The following TAFA2 variants were observed in gnomAD, a reference collection of about 807,000 sequenced individuals.
The protein encoded by TAFA2 is chemokine-like protein TAFA-2.
A neutral mutation model predicts 18.8 loss-of-function variants in TAFA2; 7 were observed. That is an observed-to-expected ratio of 0.37 (90% CI 0.21 to 0.70). The LOEUF (loss-of-function observed/expected upper bound fraction) is 0.70, where lower values mean the gene tolerates loss of function less well. Among genes scored for constraint, TAFA2 ranks in the 30% least tolerant of loss-of-function variants. The probability of loss-of-function intolerance (pLI) is 0.53; values close to 1 mark genes in which losing one functional copy is unlikely to be tolerated. For synonymous variants in TAFA2, 60 were observed against 54.2 expected, an observed-to-expected ratio of 1.11 and a Z score of -0.47; for missense variants, 122 against 158.1, an observed-to-expected ratio of 0.77 and a Z score of 1.23.
chr12:61,796,716 G>A (rs1424756182), intron 2 of TAFA2, among the ~76,000 whole-genome samples: 2 of 152,154 alleles, frequency 1.3e-5, no homozygotes, highest in Non-Finnish European at 2.9e-5. Context: ...AGTCTTGAGT[G>A]TTTAGCAGTT....
At chr12:61,921,635 GCTGT>G (rs1372317765) in intron 1 of TAFA2, among the ~76,000 whole-genome samples, 1 of 152,060 alleles carries the variant, frequency 6.6e-6, no homozygotes, top group African/African-American at 2.4e-5. Flanking sequence ...TCAGATTTGA[GCTGT>G]CTATTAATTC....
intron 1 of TAFA2, among the ~76,000 whole-genome samples, chr12:61,889,281 A>G (rs1434705744): frequency 6.6e-6 from 1 of 152,190 alleles, no homozygotes; most frequent in Non-Finnish European, 1.5e-5. Flanking sequence ...GACCCTATTG[A>G]GTATTGCAGT....
intron 1 of TAFA2, among the ~76,000 whole-genome samples, chr12:62,209,498 G>A (rs1043758041): frequency 3.3e-5 from 5 of 152,182 alleles, no homozygotes; most frequent in Non-Finnish European, 7.3e-5. Flanking sequence ...ATAGCAATGT[G>A]AGAATGGACT....
At chr12:61,915,595 A>T (rs1172869777) in intron 1 of TAFA2, among the ~76,000 whole-genome samples, 1 of 152,212 alleles carries the variant, frequency 6.6e-6, no homozygotes, top group Non-Finnish European at 1.5e-5. Flanking sequence ...CTAGTGTTGT[A>T]ATTCAGTCTG....
intron 1 of TAFA2, among the ~76,000 whole-genome samples, chr12:62,166,432 T>C (rs1397876351): frequency 6.6e-6 from 1 of 152,156 alleles, no homozygotes; most frequent in Non-Finnish European, 1.5e-5. Flanking sequence ...CTGGCAAAAA[T>C]ACAAGAGCTC....
At position 61,886,180 on chromosome 12, in the gene TAFA2, G is replaced by C. The variant is rs551168220; in HGVS notation, c.-1-18754C>G. ...GCTCAGACCTCCCTCTTGTCATTAG[G>C]TTCATACCTAAAATTCAGAATAAAA... is the stretch of plus-strand genomic sequence containing the variant. On this transcript the variant is annotated intron_variant, in intron 1 of 4. Coordinates refer to ENST00000416284, the MANE Select transcript of TAFA2 (RefSeq NM_178539.5). Among the ~76,000 whole-genome samples the C allele has an allele frequency of 9.9e-5, 15 of 152,214 alleles. No homozygotes were observed. In the South Asian group the frequency reaches 3.1e-3, roughly 32 times the overall value.
At chr12:61,810,215 T>A (rs914357206) in intron 2 of TAFA2, among the ~76,000 whole-genome samples, 1 of 151,490 alleles carries the variant, frequency 6.6e-6, no homozygotes, top group Non-Finnish European at 1.5e-5. Flanking sequence ...AAATTCTGCC[T>A]CTATGGTTTT....
chr12:61,742,303 G>A (rs1435162383), intron 4 of TAFA2, among the ~76,000 whole-genome samples: 1 of 152,062 alleles, frequency 6.6e-6, no homozygotes. Flanking sequence ...CCAACTAGCA[G>A]GCAAGTTTTA....
At chr12:61,982,752 G>T in intron 1 of TAFA2, among the ~76,000 whole-genome samples, 1 of 151,662 alleles carries the variant, frequency 6.6e-6, no homozygotes, top group East Asian at 2.0e-4. Context: ...ACCTTTGTGA[G>T]AATTTTCTGT....
At chr12:61,938,214 A>G (rs1024529543) in intron 1 of TAFA2, among the ~76,000 whole-genome samples, 1 of 142,430 alleles carries the variant, frequency 7.0e-6, no homozygotes, top group African/African-American at 2.6e-5. Flanking sequence ...AACAACTTGT[A>G]CCACAATAGA....
chr12:61,910,902 AC>A (rs1289142930), intron 1 of TAFA2, among the ~76,000 whole-genome samples: 1 of 152,216 alleles, frequency 6.6e-6, no homozygotes, highest in African/African-American at 2.4e-5. Context: ...AATGATTTGG[AC>A]AACTCTATTT....
chr12:62,116,700 G>A (rs1985820), intron 1 of TAFA2, among the ~76,000 whole-genome samples: 23,569 of 151,988 alleles, frequency 0.16, 1,938 homozygotes, highest in East Asian at 0.31. Context: ...AACCTAGAAC[G>A]GGACCTGGAA....
chr12:62,046,264 T>C (rs116917617), intron 1 of TAFA2, among the ~76,000 whole-genome samples: 2,098 of 152,264 alleles, frequency 0.014, 25 homozygotes, highest in South Asian at 0.038. Context: ...ATAAGTCAGT[T>C]CTTGCACTGA....
At chr12:62,017,647 C>CT (rs1880982684) in intron 1 of TAFA2, among the ~76,000 whole-genome samples, 1 of 152,102 alleles carries the variant, frequency 6.6e-6, no homozygotes, top group African/African-American at 2.4e-5. Context: ...TGCAAGATGA[C>CT]TTTTTCCCTG....
intron 2 of TAFA2, among the ~76,000 whole-genome samples, chr12:61,758,471 C>A (rs1869377887): frequency 6.6e-6 from 1 of 151,846 alleles, no homozygotes; most frequent in Non-Finnish European, 1.5e-5. Context: ...TGTGAGGACA[C>A]AATCCATTTT....
At chr12:62,131,200 G>A (rs1448123336) in intron 1 of TAFA2, among the ~76,000 whole-genome samples, 1 of 151,820 alleles carries the variant, frequency 6.6e-6, no homozygotes, top group East Asian at 1.9e-4. Flanking sequence ...CAAAATGTCA[G>A]AGCCCATCCT....
At chr12:61,920,808 TAAAC>T (rs1877019265) in intron 1 of TAFA2, among the ~76,000 whole-genome samples, 1 of 150,872 alleles carries the variant, frequency 6.6e-6, no homozygotes, top group South Asian at 2.1e-4. Context: ...ATATAATAAA[TAAAC>T]TATATAGAAT....
intron 4 of TAFA2, among the ~76,000 whole-genome samples, chr12:61,715,758 A>T (rs1457830402): frequency 1.3e-5 from 2 of 151,908 alleles, no homozygotes; most frequent in African/African-American, 2.4e-5. Flanking sequence ...CAAAAAAAAA[A>T]AAAATTAAAA....
At chr12:62,259,735 T>C (rs561138108), upstream of TAFA2, 2 of 152,726 alleles carry the variant, frequency 1.3e-5, no homozygotes, top group African/African-American at 2.4e-5. Flanking sequence ...AACTGGGACA[T>C]GTTTTTCACT....
Sources: gnomAD v4.1 joint callset for allele counts (sites outside exome capture counted in the v4.1 genomes callset) on GRCh38, gnomAD v4.1.1 for gene constraint, MANE v1.5 for transcripts, NCBI Gene and HGNC (gene_info 2026-07-23, HGNC 2026-07-21) for gene names.